LDHA: variants seen among roughly 807,000 people sequenced by gnomAD.
LDHA encodes lactate dehydrogenase A.
A neutral mutation model predicts 36.3 loss-of-function variants in LDHA; 10 were observed. That is an observed-to-expected ratio of 0.28 (90% CI 0.17 to 0.47). LDHA has a LOEUF of 0.47. LDHA is among the 20% of genes least tolerant of loss of function. The probability of loss-of-function intolerance (pLI) is 0.99; values close to 1 mark genes in which losing one functional copy is unlikely to be tolerated. For missense variants in LDHA, 267 were observed against 405.8 expected (o/e 0.66, Z 2.94); for synonymous variants, 110 against 136.7 (o/e 0.80, Z 1.36).
At chr11:18,402,045 C>T (rs1010008699) in intron 4 of LDHA, among the ~76,000 whole-genome samples, 1 of 143,700 alleles carries the variant, frequency 7.0e-6, no homozygotes, top group African/African-American at 2.6e-5. Flanking sequence ...CAACCTCTGC[C>T]TCCTGGGTTC....
intron 7 of LDHA, chr11:18,406,523 C>T (rs1371435420): frequency 5.3e-5 from 8 of 151,380 alleles, no homozygotes; most frequent in African/African-American, 2.0e-4. Context: ...TCAAGACCAG[C>T]CTGACCAACA....
chr11:18,399,387 G>GA, intron 2 of LDHA, 44 bp from the exon 3 acceptor site: 1 of 1,346,692 alleles, frequency 7.4e-7, no homozygotes, highest in Non-Finnish European at 1.1e-6. Context: ...TAAAAATCTA[G>GA]AAGTGGCAAT....
At chr11:18,399,135 A>G (rs1209456727) in intron 2 of LDHA, 2 of 387,046 alleles carry the variant, frequency 5.2e-6, no homozygotes, top group East Asian at 5.8e-5. Flanking sequence ...ATATAATTGG[A>G]AGTTATTCTA....
At chr11:18,396,691 C>A in intron 1 of LDHA, 128 bp from the exon 2 acceptor site, 1 of 1,358,458 alleles carries the variant, frequency 7.4e-7, no homozygotes, top group Non-Finnish European at 9.9e-7. Flanking sequence ...TTTCCCCTCC[C>A]TTTTTAGTCA....
At chr11:18,401,831 T>A (rs532436297) in intron 4 of LDHA, among the ~76,000 whole-genome samples, 1 of 151,772 alleles carries the variant, frequency 6.6e-6, no homozygotes, top group Non-Finnish European at 1.5e-5. Flanking sequence ...TGTGTGTGTG[T>A]TTTTTGTTTT....
chr11:18,400,638 A>ACAAACTTTATGT, intron 3 of LDHA, 199 bp from the exon 4 acceptor site: 1 of 663,218 alleles, frequency 1.5e-6, no homozygotes. Context: ...AGCTCTCCCT[A>ACAAACTTTATGT]ATTGTAGTTA....
In LDHA at chr11:18,399,471, A is replaced by T; in HGVS notation, c.167A>T (p.Asp56Val). The stretch of plus-strand genomic sequence containing the variant: ...CTTGCTCTTGTTGATGTCATCGAAG[A>T]CAAATTGAAGGGAGAGATGATGGAT... Reference protein sequence around the residue: ...DELALVDVIEDKLKGEMMDLQ... With the variant: ...DELALVDVIEVKLKGEMMDLQ... The change falls in exon 3 of 8, where the codon GAC becomes GTC. Residue 56 changes from aspartate to valine, a missense_variant. Coordinates refer to ENST00000422447, the MANE Select transcript of LDHA (RefSeq NM_005566.4). The T allele has an allele frequency of 6.2e-7, 1 of 1,613,700 alleles. No individual in the cohort carries two copies. The highest frequency in any genetic ancestry group is 8.5e-7 in the Non-Finnish European group (1 of 1,179,658).
intron 1 of LDHA, among the ~76,000 whole-genome samples, chr11:18,395,899 C>G (rs7111748): frequency 6.6e-6 from 1 of 152,078 alleles, no homozygotes. Flanking sequence ...GGATCACGGC[C>G]GAAGCCACAC....
intron 6 of LDHA, among the ~76,000 whole-genome samples, chr11:18,404,326 A>G (rs997506262): frequency 6.6e-6 from 1 of 152,004 alleles, no homozygotes; most frequent in Non-Finnish European, 1.5e-5. Context: ...GGAGGATCGC[A>G]TGAGCCTGGG....
Position 18,405,544 on chromosome 11 carries a change from G to A in LDHA, c.806G>A (p.Arg269Gln), listed in dbSNP as rs1303748888. 9 of 1,613,812 alleles carry A rather than the reference G, an allele frequency of 5.6e-6. No homozygotes were observed. Among genetic ancestry groups the A allele is most frequent in the East Asian group, 4.5e-5 (2 of 44,856 alleles). ...GAGAGTATAATGAAGAATCTTAGGC[G>A]GGTGCACCCAGTTTCCACCATGATT... ...LAESIMKNLR[R>Q]VHPVSTMIKG... The change falls in exon 7 of 8, where the codon CGG (arginine) becomes CAG (glutamine). Residue 269 changes from arginine to glutamine, a missense_variant. Coordinates refer to ENST00000422447, the MANE Select transcript of LDHA (RefSeq NM_005566.4).
intron 6 of LDHA, 119 bp downstream of exon 6, chr11:18,403,930 T>TTTTTG (rs1358660908): frequency 8.2e-6 from 6 of 730,852 alleles, no homozygotes; most frequent in South Asian, 1.5e-5. Flanking sequence ...TTGTGTGGTT[T>TTTTTG]TTTTGTTTTG....
intron 4 of LDHA, chr11:18,402,496 CTA>C (rs1866542920): frequency 3.4e-6 from 1 of 294,720 alleles, no homozygotes. Context: ...TGGGGTTTTG[CTA>C]TGTTGCCCAG....
At chr11:18,401,255 T>C (rs1034525978) in intron 4 of LDHA, among the ~76,000 whole-genome samples, 1 of 150,320 alleles carries the variant, frequency 6.7e-6, no homozygotes, top group African/African-American at 2.4e-5. Context: ...GTTCAAGCGA[T>C]TCTTTTGCCT....
At chr11:18,404,863 C>T (rs1162633116) in intron 6 of LDHA, among the ~76,000 whole-genome samples, 2 of 151,504 alleles carry the variant, frequency 1.3e-5, no homozygotes, top group Non-Finnish European at 2.9e-5. Context: ...ATTGGTCAAG[C>T]AAGGCCCTCT....
At chr11:18,397,330 TA>T (rs1866337522) in intron 2 of LDHA, 1 of 170,388 alleles carries the variant, frequency 5.9e-6, no homozygotes, top group South Asian at 1.5e-4. Flanking sequence ...CATTTATTGG[TA>T]AAATTATATG....
At chr11:18,395,342 ACAGT>A (rs1394294340) in intron 1 of LDHA, 5 of 153,194 alleles carry the variant, frequency 3.3e-5, no homozygotes, top group African/African-American at 7.2e-5. Flanking sequence ...AAGCTAGGAG[ACAGT>A]CAGGGATCTC....
In LDHA at chr11:18,407,443, G is replaced by T; in HGVS notation, c.*162G>T. ...CTGAAGTTAGAAATAAGAATGGTTTGTAAAATCCACAGCTATATCCTGATG... is the reference window on the plus strand; with the variant it reads ...CTGAAGTTAGAAATAAGAATGGTTTTTAAAATCCACAGCTATATCCTGATG... On this transcript the variant is annotated 3_prime_UTR_variant, in exon 8 of 8. Coordinates refer to ENST00000422447, the MANE Select transcript of LDHA (RefSeq NM_005566.4). 1 of 1,409,194 alleles carries T rather than the reference G, an allele frequency of 7.1e-7. No individual in the cohort carries two copies. Among genetic ancestry groups the T allele is most frequent in the East Asian group, 2.5e-5 (1 of 40,322 alleles). 87.3% of individuals were successfully genotyped at this position (1,409,194 alleles called of 1,614,324 possible).
At chr11:18,401,768 T>C (rs1316991500) in intron 4 of LDHA, among the ~76,000 whole-genome samples, 3 of 151,820 alleles carry the variant, frequency 2.0e-5, no homozygotes, top group Admixed American at 6.6e-5. Flanking sequence ...TGAGCCACCG[T>C]GCCTGGTGAT....
At position 18,400,482 on chromosome 11, in the gene LDHA, C is replaced by CACAT. The variant is rs1418975031; in HGVS notation, c.245-355_245-354insACAT. On this transcript the variant is annotated intron_variant, in intron 3 of 7. Transcript: ENST00000422447. Reference sequence around the variant, plus strand: ...ACACACACACACACACACACACACACGAAATTGCCTGTTCCTGGGCTGATA... The same window carrying CACAT: ...ACACACACACACACACACACACACACACATGAAATTGCCTGTTCCTGGGCTGATA... 3.4e-3 allele frequency: 1,171 copies of CACAT among 344,068 alleles called. 15 individuals carry two copies. Among genetic ancestry groups the CACAT allele is most frequent in the Non-Finnish European group, 4.8e-3 (844 of 176,648 alleles). The allele number at this position is 344,068 out of a possible 1,614,324, so 21.3% of individuals were successfully genotyped here.
Sources: allele counts gnomAD v4.1 joint callset (sites outside exome capture counted in the v4.1 genomes callset), GRCh38; gene constraint gnomAD v4.1.1; transcripts MANE v1.5; gene names NCBI Gene and HGNC (gene_info 2026-07-23, HGNC 2026-07-21).